The following ZNF551 variants were observed in gnomAD, a reference collection of about 807,000 sequenced individuals.
ZNF551 encodes the protein zinc finger protein 551.
ZNF551 carries 5 observed loss-of-function variants against 7.9 expected under a neutral mutation model. That is an observed-to-expected ratio of 0.63 (90% confidence interval 0.33 to 1.33). The LOEUF (loss-of-function observed/expected upper bound fraction) is 1.33, where lower values mean the gene tolerates loss of function less well. ZNF551 is among the 40% of genes most tolerant of loss of function. The pLI is 0.05. For missense variants in ZNF551, 788 were observed against 825.2 expected (o/e 0.95, Z 0.55); for synonymous variants, 287 against 277.3 (o/e 1.03, Z -0.35).
In ZNF551 at chr19:57,686,671, C is replaced by G; in HGVS notation, c.396C>G (p.Tyr132Ter). The change falls in exon 3 of 3, where the codon TAC (tyrosine) becomes TAG (stop). Residue 132 changes from tyrosine to a stop codon, truncating the protein, a stop_gained. Transcript: ENST00000282296. LOFTEE classifies it low-confidence loss of function (END_TRUNC). ...HQTTSPVQKS[Y>*]LGSTSMRGFC... Reference sequence around the variant, plus strand: ...CCACATCCCCTGTGCAAAAGTCATACTTGGGTAGCACAAGCATGAGAGGCT... The same window carrying G: ...CCACATCCCCTGTGCAAAAGTCATAGTTGGGTAGCACAAGCATGAGAGGCT... The G allele has an allele frequency of 1.2e-6, 2 of 1,614,196 alleles. No individual in the cohort carries two copies. Among genetic ancestry groups the G allele is most frequent in the Non-Finnish European group, 1.7e-6 (2 of 1,180,032 alleles).
chr19:57,690,630 G>A lies in ZNF551; in HGVS notation c.*2342G>A, dbSNP rs1984735712. 1 of 144,748 alleles carries A rather than the reference G, an allele frequency of 6.9e-6. No individual in the cohort carries two copies. Among genetic ancestry groups the A allele is most frequent in the African/African-American group, 2.5e-5 (1 of 39,694 alleles). The allele number at this position is 144,748 out of a possible 1,614,324, so 9.0% of individuals were successfully genotyped here. A position where few individuals can be genotyped will look rare whatever the true frequency, so the allele number is the denominator to read the frequency against. On this transcript the variant is annotated 3_prime_UTR_variant, in exon 3 of 3. Coordinates refer to ENST00000282296, the MANE Select transcript of ZNF551 (RefSeq NM_138347.5). Reference sequence around the variant, plus strand: ...TAGATTTTTGTATATTACAAATAAAGCTGCTGTAAATACTTGAATTCATTT... The same window carrying A: ...TAGATTTTTGTATATTACAAATAAAACTGCTGTAAATACTTGAATTCATTT...
At position 57,688,021 on chromosome 19, in the gene ZNF551, T is replaced by C. The variant is rs1034748828; in HGVS notation, c.1746T>C (p.Thr582=). The change falls in exon 3 of 3, where the codon ACT becomes ACC. Residue 582 remains threonine, a synonymous_variant. Transcript: ENST00000282296. ...ASLIQHQRVH[T]GERPYECSEC... ...TCATTCAACACCAGAGAGTTCACAC[T>C]GGAGAAAGGCCTTATGAATGTAGTG... 6.2e-7 allele frequency: 1 copy of C among 1,614,152 alleles called. No homozygotes were observed.
rs1211364054 is a variant in ZNF551, at chr19:57,690,103, A to G, written c.*1815A>G. On this transcript the variant is annotated 3_prime_UTR_variant, in exon 3 of 3. Coordinates refer to ENST00000282296, the MANE Select transcript of ZNF551 (RefSeq NM_138347.5). ...CCACCCTGATTAAAAAAAAAGGAAC[A>G]TCTAGGCTCTTAATTTTGAGCCACT... 1 of 152,180 alleles carries G rather than the reference A, an allele frequency of 6.6e-6. No individual in the cohort carries two copies. Among genetic ancestry groups the G allele is most frequent in the Non-Finnish European group, 1.5e-5 (1 of 68,026 alleles). 9.4% of individuals were successfully genotyped at this position (152,180 alleles called of 1,614,324 possible). A position where few individuals can be genotyped will look rare whatever the true frequency, so the allele number is the denominator to read the frequency against.
rs1984580780 is a variant in ZNF551, at chr19:57,686,981, C to T, written c.706C>T (p.His236Tyr). 1.9e-6 allele frequency: 3 copies of T among 1,614,090 alleles called. No homozygotes were observed. The highest frequency in any genetic ancestry group is 2.5e-6 in the Non-Finnish European group (3 of 1,180,042). The stretch of plus-strand genomic sequence containing the variant: ...ATACAGAAAAGCTTCAAGCCACAAA[C>T]ACACACTTGTTCAGCATCAGAGTGT... The part of the protein sequence containing the change: ...GEYRKASSHK[H>Y]TLVQHQSVCS... Residue 236 changes from histidine (H) to tyrosine (Y), a missense_variant, in exon 3 of 3, where the codon CAC (histidine) becomes TAC (tyrosine). Transcript: ENST00000282296.
rs1253738317 is a variant in ZNF551 at position 57,689,206 on chromosome 19, T to C, written c.*918T>C. The C allele has an allele frequency of 6.6e-6, 1 of 152,180 alleles. No homozygotes were observed. The highest frequency in any genetic ancestry group is 2.4e-5 in the African/African-American group (1 of 41,440). The allele number at this position is 152,180 out of a possible 1,614,324, so 9.4% of individuals were successfully genotyped here. ...TTCAGTTGTCCACAGGAGATCCACA[T>C]AATTCCTAGCACTGGTGAGGGGAAT... On this transcript the variant is annotated 3_prime_UTR_variant, in exon 3 of 3. Coordinates refer to ENST00000282296, the MANE Select transcript of ZNF551 (RefSeq NM_138347.5).
rs866209751 is a variant in ZNF551, at chr19:57,687,605, G to C, written c.1330G>C (p.Glu444Gln). The C allele has an allele frequency of 1.2e-6, 2 of 1,614,106 alleles. No individual in the cohort carries two copies. The highest frequency in any genetic ancestry group is 2.7e-5 in the African/African-American group (2 of 74,934). Residue 444 changes from glutamate (E) to glutamine (Q), a missense_variant, in exon 3 of 3, where the codon GAA becomes CAA. Transcript: ENST00000282296. ...LIQHQRIHSG[E>Q]RPYECRECGK... ...TCAACACCAGAGAATTCACAGTGGA[G>C]AAAGACCTTATGAATGCAGAGAATG...
chr19:57,683,641 T>C (rs1984458352), intron 1 of ZNF551, among the ~76,000 whole-genome samples: 1 of 151,978 alleles, frequency 6.6e-6, no homozygotes, highest in South Asian at 2.1e-4. Flanking sequence ...ATGATAATAA[T>C]AGTTGTCAAG....
intron 1 of ZNF551, among the ~76,000 whole-genome samples, chr19:57,683,471 G>C (rs1460399425): frequency 2.0e-5 from 3 of 152,218 alleles, no homozygotes; most frequent in Non-Finnish European, 4.4e-5. Context: ...CCTGCTAAGA[G>C]TATGAGAGCT....
chr19:57,684,138 C>G (rs1249191415), intron 1 of ZNF551, among the ~76,000 whole-genome samples: 2 of 152,090 alleles, frequency 1.3e-5, no homozygotes, highest in African/African-American at 4.8e-5. Context: ...GAGGTTGAAG[C>G]AAGGAATAGT....
intron 1 of ZNF551, among the ~76,000 whole-genome samples, chr19:57,684,398 G>A (rs1984487313): frequency 6.6e-6 from 1 of 152,088 alleles, no homozygotes; most frequent in Non-Finnish European, 1.5e-5. Context: ...ATGTGAAGTG[G>A]TGGCTCCTTG....
In ZNF551 at chr19:57,689,944, T is replaced by G. The variant is rs1475383413; in HGVS notation, c.*1656T>G. 6.6e-6 allele frequency: 1 copy of G among 152,206 alleles called. No homozygotes were observed. Among genetic ancestry groups the G allele is most frequent in the African/African-American group, 2.4e-5 (1 of 41,452 alleles). 9.4% of individuals were successfully genotyped at this position (152,206 alleles called of 1,614,324 possible). A position where few individuals can be genotyped will look rare whatever the true frequency, so the allele number is the denominator to read the frequency against. Reference sequence around the variant, plus strand: ...CCGCGGTCCAGGGATGTGGCTTTTGTGACTCAGCCAACATTCCTATTAATT... The same window carrying G: ...CCGCGGTCCAGGGATGTGGCTTTTGGGACTCAGCCAACATTCCTATTAATT... On this transcript the variant is annotated 3_prime_UTR_variant, in exon 3 of 3. Coordinates refer to ENST00000282296, the MANE Select transcript of ZNF551 (RefSeq NM_138347.5).
Position 57,684,252 on chromosome 19 carries a change from C to T in ZNF551, c.82-1010C>T, listed in dbSNP as rs555619007. On this transcript the variant is annotated intron_variant, in intron 1 of 2. Coordinates refer to ENST00000282296, the MANE Select transcript of ZNF551 (RefSeq NM_138347.5). ...ACCGTATTTGAATTTGCCAGCCACT[C>T]TCTGGGCCCCATATGCTGAGTAACC... Among the ~76,000 whole-genome samples the T allele has an allele frequency of 9.8e-5, 15 of 152,306 alleles. 1 individual carries two copies. The highest frequency in any genetic ancestry group is 8.3e-4 in the South Asian group (4 of 4,818).
At position 57,686,786 on chromosome 19, in the gene ZNF551, A is replaced by G; in HGVS notation, c.511A>G (p.Thr171Ala). ...GAAGGTGGATGAGGCTACATTTGTG[A>G]CCGGCTGCAGATTCCATGTGTTGAA... Reference protein sequence around the residue: ...KRKVDEATFVTGCRFHVLNYF... With the variant: ...KRKVDEATFVAGCRFHVLNYF... Residue 171 changes from threonine to alanine, a missense_variant, in exon 3 of 3, where the codon ACC becomes GCC. Transcript: ENST00000282296. 2 of 1,614,198 alleles carry G rather than the reference A, an allele frequency of 1.2e-6. No individual in the cohort carries two copies. Among genetic ancestry groups the G allele is most frequent in the Non-Finnish European group, 8.5e-7 (1 of 1,180,024 alleles).
intron 1 of ZNF551, among the ~76,000 whole-genome samples, chr19:57,684,165 C>T (rs569707907): frequency 6.6e-6 from 1 of 152,256 alleles, no homozygotes; most frequent in South Asian, 2.1e-4. Flanking sequence ...GAAAGGCCTT[C>T]ATGGTATGAC....
At position 57,686,987 on chromosome 19, in the gene ZNF551, C is replaced by T. The variant is rs1362194739; in HGVS notation, c.712C>T (p.Leu238Phe). ...AAAAGCTTCAAGCCACAAACACACA[C>T]TTGTTCAGCATCAGAGTGTCTGTTC... ...YRKASSHKHT[L>F]VQHQSVCSEG... The change falls in exon 3 of 3, where the codon CTT becomes TTT. Residue 238 changes from leucine (L) to phenylalanine (F), a missense_variant. Physicochemically the swap from Leu to Phe is conservative, Grantham distance 22. Transcript: ENST00000282296. The T allele has an allele frequency of 3.1e-6, 5 of 1,614,224 alleles. No individual in the cohort carries two copies. Among genetic ancestry groups the T allele is most frequent in the Admixed American group, 1.7e-5 (1 of 60,024 alleles).
At position 57,686,560 on chromosome 19, in the gene ZNF551, T is replaced by C. The variant is rs540448840; in HGVS notation, c.285T>C (p.Asn95=). 1.9e-6 allele frequency: 3 copies of C among 1,614,160 alleles called. No individual in the cohort carries two copies. The highest frequency in any genetic ancestry group is 4.5e-5 in the East Asian group (2 of 44,878). Residue 95 remains asparagine (N), a synonymous_variant, in exon 3 of 3, where the codon AAT becomes AAC. Transcript: ENST00000282296. ...TACAGGTCAGGACTTCTAAGGGCAA[T>C]ACACCCACCCAGAAAACTCACCTCA... ...VSIQVRTSKG[N]TPTQKTHLSE...
In ZNF551 at chr19:57,686,802, A is replaced by G; in HGVS notation, c.527A>G (p.His176Arg). 6.2e-7 allele frequency: 1 copy of G among 1,614,188 alleles called. No homozygotes were observed. Among genetic ancestry groups the G allele is most frequent in the Non-Finnish European group, 8.5e-7 (1 of 1,180,032 alleles). Residue 176 changes from histidine (H) to arginine (R), a missense_variant, in exon 3 of 3, where the codon CAT (histidine) becomes CGT (arginine). Coordinates refer to ENST00000282296, the MANE Select transcript of ZNF551 (RefSeq NM_138347.5). ...EATFVTGCRF[H>R]VLNYFTCGEA... ...ACATTTGTGACCGGCTGCAGATTCC[A>G]TGTGTTGAATTATTTCACCTGTGGG...
rs368626012 is a variant in ZNF551 at position 57,687,037 on chromosome 19, C to A, written c.762C>A (p.Ser254Arg). The A allele has an allele frequency of 1.8e-5, 29 of 1,614,176 alleles. No homozygotes were observed. The highest frequency in any genetic ancestry group is 8.3e-5 in the Admixed American group (5 of 60,022). Residue 254 changes from serine (S) to arginine (R), a missense_variant, in exon 3 of 3, where the codon AGC becomes AGA. Transcript: ENST00000282296. ...VCSEGGLYEC[S>R]KCEKAFTCKN... ...CTGAAGGAGGGCTTTATGAGTGTAGCAAATGTGAGAAAGCCTTCACTTGCA... is the reference window on the plus strand; with the variant it reads ...CTGAAGGAGGGCTTTATGAGTGTAGAAAATGTGAGAAAGCCTTCACTTGCA...
chr19:57,686,591 AT>A lies in ZNF551; in HGVS notation c.318del (p.Lys107ArgfsTer7). ...CACCCAGAAAACTCACCTCAGTGAG[AT>A]TAAGATGTGTGTCCCAGTCTTGAAA... ...TPTQKTHLSE[I>X]KMCVPVLKDI... is the part of the protein sequence containing the mutation. On this transcript the variant is annotated frameshift_variant, in exon 3 of 3. Coordinates refer to ENST00000282296, the MANE Select transcript of ZNF551 (RefSeq NM_138347.5). LOFTEE classifies it low-confidence loss of function (END_TRUNC). The A allele has an allele frequency of 6.2e-7, 1 of 1,614,200 alleles. No homozygotes were observed. The highest frequency in any genetic ancestry group is 8.5e-7 in the Non-Finnish European group (1 of 1,180,036).
Sources: allele counts gnomAD v4.1 joint callset (sites outside exome capture counted in the v4.1 genomes callset), GRCh38; gene constraint gnomAD v4.1.1; transcripts MANE v1.5; gene names NCBI Gene and HGNC (gene_info 2026-07-23, HGNC 2026-07-21).